The following CCSER1 variants were observed in gnomAD, a reference collection of about 807,000 sequenced individuals.
CCSER1 encodes the protein serine-rich coiled-coil domain-containing protein 1.
Under a neutral mutation model 82.0 loss-of-function variants are expected in CCSER1, and 41 were observed. The observed-to-expected ratio is 0.50, with a 90% confidence interval of 0.39 to 0.65. CCSER1 has a LOEUF of 0.65. Ranked by LOEUF, CCSER1 falls within the 30% of genes least tolerant of loss-of-function variation. The probability of loss-of-function intolerance (pLI) is 0.00; values close to 1 mark genes in which losing one functional copy is unlikely to be tolerated. For missense variants in CCSER1, 1,119 were observed against 1,064.2 expected (o/e 1.05, Z -0.72); for synonymous variants, 414 against 383.9 (o/e 1.08, Z -0.92).
chr4:90,170,131 A>G (rs1731352048), intron 1 of CCSER1, among the ~76,000 whole-genome samples: 1 of 151,998 alleles, frequency 6.6e-6, no homozygotes, highest in Admixed American at 6.6e-5. Context: ...TCATCTACCC[A>G]TTATATACAC....
intron 10 of CCSER1, among the ~76,000 whole-genome samples, chr4:91,472,215 G>GAAGT (rs369378654): frequency 1.8e-4 from 27 of 152,210 alleles, no homozygotes; most frequent in African/African-American, 6.0e-4. Context: ...GGGCTTCGCT[G>GAAGT]AAGTTTTCTT....
rs187275055 is a variant in CCSER1 at position 91,335,363 on chromosome 4, C to T, written c.2217+249369C>T. 1.2e-4 allele frequency among the ~76,000 whole-genome samples: 19 copies of T among 152,140 alleles called. No homozygotes were observed. The East Asian group carries it at 3.7e-3, about 29-fold the overall frequency. On this transcript the variant is annotated intron_variant, in intron 10 of 10. Transcript: ENST00000509176. ...CACATCCAGACCTACTTTCTAACTC[C>T]CTAAAGCTTACCTGTTCCAGGAAGA... is the stretch of plus-strand genomic sequence containing the variant.
intron 8 of CCSER1, among the ~76,000 whole-genome samples, chr4:90,898,801 C>T (rs1248632345): frequency 1.3e-5 from 2 of 151,542 alleles, no homozygotes; most frequent in Non-Finnish European, 2.9e-5. Context: ...TTCCACTGCT[C>T]TATGTGTCTG....
intron 1 of CCSER1, among the ~76,000 whole-genome samples, chr4:90,298,431 T>C (rs369089055): frequency 0.017 from 2,591 of 151,512 alleles, 96 homozygotes; most frequent in African/African-American, 0.059. Context: ...TTGTTGATCC[T>C]TTCAAAAAAC....
intron 10 of CCSER1, among the ~76,000 whole-genome samples, chr4:91,544,700 G>A (rs556091135): frequency 1.5e-3 from 233 of 152,280 alleles, no homozygotes; most frequent in South Asian, 9.3e-3. Flanking sequence ...ACCCTGCTAT[G>A]TGAGGTGTCA....
chr4:90,146,628 G>A (rs948917537), intron 1 of CCSER1, among the ~76,000 whole-genome samples: 3 of 151,912 alleles, frequency 2.0e-5, no homozygotes, highest in Non-Finnish European at 4.4e-5. Context: ...AACTGTTATC[G>A]AAATTGGCTT....
intron 10 of CCSER1, among the ~76,000 whole-genome samples, chr4:91,503,437 A>G (rs1210217897): frequency 1.3e-5 from 2 of 152,132 alleles, no homozygotes; most frequent in Non-Finnish European, 2.9e-5. Flanking sequence ...GAAATAAAGT[A>G]AATTATTGAA....
At chr4:90,852,107 G>A (rs968019694) in intron 8 of CCSER1, among the ~76,000 whole-genome samples, 1 of 146,154 alleles carries the variant, frequency 6.8e-6, no homozygotes, top group Non-Finnish European at 1.5e-5. Flanking sequence ...ATAATAAAGA[G>A]AAGTCAAAAA....
chr4:91,382,888 C>T (rs1354219725), intron 10 of CCSER1, among the ~76,000 whole-genome samples: 2 of 152,044 alleles, frequency 1.3e-5, no homozygotes, highest in East Asian at 1.9e-4. Flanking sequence ...CACAGCCACC[C>T]AAACTAGCAG....
At chr4:91,206,870 G>C (rs747666517) in intron 10 of CCSER1, among the ~76,000 whole-genome samples, 1 of 151,828 alleles carries the variant, frequency 6.6e-6, no homozygotes, top group African/African-American at 2.4e-5. Context: ...TTTTGTACAT[G>C]AATCTCTGGA....
chr4:90,170,666 C>G (rs1023474122), intron 1 of CCSER1, among the ~76,000 whole-genome samples: 9 of 151,818 alleles, frequency 5.9e-5, no homozygotes, highest in African/African-American at 2.2e-4. Context: ...ATAATGACCT[C>G]TAGTTCCGTC....
At chr4:91,033,698 C>A (rs1206931611) in intron 9 of CCSER1, among the ~76,000 whole-genome samples, 1 of 152,144 alleles carries the variant, frequency 6.6e-6, no homozygotes, top group Non-Finnish European at 1.5e-5. Context: ...ATGAGATGAG[C>A]AATCTGTTGT....
chr4:91,162,326 G>A lies in CCSER1; in HGVS notation c.2217+76332G>A, dbSNP rs185104575. Among the ~76,000 whole-genome samples, 126 of 152,214 alleles carry A rather than the reference G, an allele frequency of 8.3e-4. 4 individuals are homozygous for A. Among genetic ancestry groups the A allele is most frequent in the Admixed American group, 7.5e-3 (114 of 15,288 alleles). On this transcript the variant is annotated intron_variant, in intron 10 of 10. Coordinates refer to ENST00000509176, the MANE Select transcript of CCSER1 (RefSeq NM_001145065.2). The stretch of plus-strand genomic sequence containing the variant: ...AGCTTTTAGATGTGCTGCCTGATTC[G>A]GTTTCCAGTATTTTATTGAGGATTT...
intron 3 of CCSER1, among the ~76,000 whole-genome samples, chr4:90,351,586 G>T (rs1743443928): frequency 6.6e-6 from 1 of 152,012 alleles, no homozygotes; most frequent in South Asian, 2.1e-4. Flanking sequence ...TGAAAACAGT[G>T]TGTATGTTCA....
intron 1 of CCSER1, among the ~76,000 whole-genome samples, chr4:90,172,410 C>T (rs773539093): frequency 5.3e-5 from 8 of 151,568 alleles, no homozygotes; most frequent in African/African-American, 1.2e-4. Flanking sequence ...GTCAGTTTAC[C>T]GTAGAAAGAT....
intron 4 of CCSER1, among the ~76,000 whole-genome samples, chr4:90,420,257 T>A (rs953780375): frequency 6.6e-6 from 1 of 152,038 alleles, no homozygotes; most frequent in Non-Finnish European, 1.5e-5. Context: ...TTGAACTTAT[T>A]AATTAAAATA....
chr4:90,467,926 T>G (rs1763855172), intron 4 of CCSER1, among the ~76,000 whole-genome samples: 1 of 152,140 alleles, frequency 6.6e-6, no homozygotes, highest in Non-Finnish European at 1.5e-5. Flanking sequence ...GTTGCAAAGA[T>G]TCATTTAACT....
chr4:91,404,543 T>G (rs2149363664), intron 10 of CCSER1, among the ~76,000 whole-genome samples: 1 of 152,326 alleles, frequency 6.6e-6, no homozygotes, highest in Non-Finnish European at 1.5e-5. Flanking sequence ...GTGCTATAAA[T>G]TTCCCTCTAC....
At chr4:91,456,185 T>A (rs1756162073) in intron 10 of CCSER1, among the ~76,000 whole-genome samples, 1 of 152,058 alleles carries the variant, frequency 6.6e-6, no homozygotes, top group East Asian at 1.9e-4. Context: ...CCTCATCTTG[T>A]GTCCTTGCAT....
Sources: gnomAD v4.1 joint callset for allele counts (sites outside exome capture counted in the v4.1 genomes callset) on GRCh38, gnomAD v4.1.1 for gene constraint, MANE v1.5 for transcripts, NCBI Gene and HGNC (gene_info 2026-07-23, HGNC 2026-07-21) for gene names.